Variants in PSMB4 observed in about 807,000 individuals in gnomAD.
The protein encoded by PSMB4 is proteasome 20S subunit beta 4.
PSMB4 carries 16 observed loss-of-function variants against 35.2 expected under a neutral mutation model. That is an observed-to-expected ratio of 0.45 (90% CI 0.31 to 0.69). The LOEUF is 0.69. PSMB4 is among the 30% of genes least tolerant of loss of function. The pLI, the probability that PSMB4 is intolerant of heterozygous loss-of-function variation, is 0.06. For missense variants in PSMB4, 333 were observed against 351.8 expected, an observed-to-expected ratio of 0.95 and a Z score of 0.43; for synonymous variants, 144 against 134.1, an observed-to-expected ratio of 1.07 and a Z score of -0.51.
chr1:151,401,449 G>A, intron 5 of PSMB4, 93 bp from the exon 6 acceptor site: 1 of 1,526,404 alleles, frequency 6.6e-7, no homozygotes, highest in Non-Finnish European at 9.1e-7. Flanking sequence ...TTACTTGTGT[G>A]ACTCCTATTT....
chr1:151,399,823 C>G, intron 1 of PSMB4, 96 bp downstream of exon 1: 1 of 1,598,258 alleles, frequency 6.3e-7, no homozygotes, highest in Non-Finnish European at 8.5e-7. Flanking sequence ...AGGCGGGGAC[C>G]CCGGGGGCGC....
intron 2 of PSMB4, 89 bp downstream of exon 2, chr1:151,400,276 G>T: frequency 6.7e-7 from 1 of 1,493,888 alleles, no homozygotes; most frequent in Non-Finnish European, 9.3e-7. Flanking sequence ...GGGGGGACTT[G>T]TTGCAGCGGG....
chr1:151,401,613 T>C lies in PSMB4; in HGVS notation c.765T>C (p.Asp255=), dbSNP rs956072546. Residue 255 remains aspartate (D), a synonymous_variant, in exon 6 of 7, where the codon GAT becomes GAC. Coordinates refer to ENST00000290541, the MANE Select transcript of PSMB4 (RefSeq NM_002796.3). ...CATTGTCTACAGAGACCAACTGGGA[T>C]ATTGCCCACATGATCAGGTGAGTAA... The part of the protein sequence containing the change: ...EGPLSTETNW[D]IAHMISGFE 2 of 1,609,296 alleles carry C rather than the reference T, an allele frequency of 1.2e-6. No individual in the cohort carries two copies. The highest frequency in any genetic ancestry group is 1.7e-6 in the Non-Finnish European group (2 of 1,175,718).
chr1:151,399,784 C>T, intron 1 of PSMB4, 57 bp downstream of exon 1: 2 of 1,610,704 alleles, frequency 1.2e-6, no homozygotes, highest in Non-Finnish European at 8.5e-7. Flanking sequence ...CCTGGTGCTG[C>T]CGGCTGGTTT....
At position 151,400,588 on chromosome 1, in the gene PSMB4, G is replaced by A; in HGVS notation, c.494G>A (p.Ser165Asn). 1 of 1,614,090 alleles carries A rather than the reference G, an allele frequency of 6.2e-7. No homozygotes were observed. Among genetic ancestry groups the A allele is most frequent in the Non-Finnish European group, 8.5e-7 (1 of 1,180,006 alleles). The stretch of plus-strand genomic sequence containing the variant: ...ATCGGAGGCTATGCTGATGGAGAGA[G>A]GTTCATATGAATACAAATAACTTAT... ...MVIGGYADGE[S>N]FLGYVDMLGV... The change falls in exon 3 of 7, where the codon AGC becomes AAC. Residue 165 changes from serine (S) to asparagine (N), a missense_variant and splice_region_variant. Physicochemically the swap from Ser to Asn is conservative, Grantham distance 46. Transcript: ENST00000290541.
intron 1 of PSMB4, 91 bp from the exon 2 acceptor site, chr1:151,399,889 AG>A (rs1413377804): frequency 2.6e-6 from 4 of 1,538,500 alleles, no homozygotes; most frequent in Non-Finnish European, 3.6e-6. Context: ...AATAATTGGA[AG>A]GAATTATAGA....
chr1:151,399,664 C>G lies in PSMB4; in HGVS notation c.77C>G (p.Ser26Cys), dbSNP rs1241669036. The change falls in exon 1 of 7, where the codon TCC becomes TGC. Residue 26 changes from serine to cysteine, a missense_variant. Ser to Cys is a moderately radical substitution (Grantham distance 112). Coordinates refer to ENST00000290541, the MANE Select transcript of PSMB4 (RefSeq NM_002796.3). ...CCAGGACAGTTTTACCGCATTCCGT[C>G]CACTCCCGATTCCTTCATGGATCCG... ...PAPGQFYRIP[S>C]TPDSFMDPAS... is the part of the protein sequence containing the mutation. 6.2e-7 allele frequency: 1 copy of G among 1,614,192 alleles called. No homozygotes were observed. Among genetic ancestry groups the G allele is most frequent in the Non-Finnish European group, 8.5e-7 (1 of 1,180,020 alleles).
chr1:151,399,676 C>T lies in PSMB4; in HGVS notation c.89C>T (p.Ser30Phe). ...TACCGCATTCCGTCCACTCCCGATT[C>T]CTTCATGGATCCGGCGTCTGCACTT... ...QFYRIPSTPD[S>F]FMDPASALYR... Residue 30 changes from serine (S) to phenylalanine (F), a missense_variant, in exon 1 of 7, where the codon TCC (serine) becomes TTC (phenylalanine). Physicochemically the swap from Ser to Phe is radical, Grantham distance 155 (BLOSUM62 -2). Coordinates refer to ENST00000290541, the MANE Select transcript of PSMB4 (RefSeq NM_002796.3). The T allele has an allele frequency of 6.2e-7, 1 of 1,614,172 alleles. No homozygotes were observed. The highest frequency in any genetic ancestry group is 2.2e-5 in the East Asian group (1 of 44,876).
chr1:151,399,913 C>A, intron 1 of PSMB4, 68 bp from the exon 2 acceptor site: 1 of 1,551,838 alleles, frequency 6.4e-7, no homozygotes, highest in Non-Finnish European at 8.9e-7. Flanking sequence ...ATCAGAAGCG[C>A]AGCTCAGTGC....
chr1:151,401,455 T>C, intron 5 of PSMB4, 87 bp from the exon 6 acceptor site: 1 of 1,517,660 alleles, frequency 6.6e-7, no homozygotes, highest in Non-Finnish European at 9.2e-7. Flanking sequence ...GTGTGACTCC[T>C]ATTTTCACAT....
chr1:151,401,111 GTTCA>G, intron 4 of PSMB4, 124 bp from the exon 5 acceptor site: 4 of 892,560 alleles, frequency 4.5e-6, no homozygotes, highest in Non-Finnish European at 7.2e-6. Context: ...TCTAAGCAGA[GTTCA>G]TTCTGGTGAG....
intron 2 of PSMB4, 86 bp downstream of exon 2, chr1:151,400,273 C>T: frequency 6.7e-7 from 1 of 1,496,482 alleles, no homozygotes; most frequent in Non-Finnish European, 9.3e-7. Flanking sequence ...GATGGGGGGA[C>T]TTGTTGCAGC....
chr1:151,400,111 A>G lies in PSMB4; in HGVS notation c.271A>G (p.Asn91Asp). The G allele has an allele frequency of 2.5e-6, 4 of 1,614,098 alleles. No homozygotes were observed. The highest frequency in any genetic ancestry group is 8.5e-7 in the Non-Finnish European group (1 of 1,180,024). The change falls in exon 2 of 7, where the codon AAC (asparagine) becomes GAC (aspartate). Residue 91 changes from asparagine to aspartate, a missense_variant. Asn to Asp is a conservative substitution (Grantham distance 23). Transcript: ENST00000290541. Reference sequence around the variant, plus strand: ...CAACATCTCTCGCATTATGCGAGTCAACAACAGTACCATGCTGGGTGCCTC... The same window carrying G: ...CAACATCTCTCGCATTATGCGAGTCGACAACAGTACCATGCTGGGTGCCTC... ...FRNISRIMRV[N>D]NSTMLGASGD...
At chr1:151,401,778 T>C in intron 6 of PSMB4, 39 bp from the exon 7 acceptor site, 1 of 1,599,354 alleles carries the variant, frequency 6.3e-7, no homozygotes, top group Non-Finnish European at 8.6e-7. Context: ...TTGATCCCTT[T>C]ATGCTTCACA....
chr1:151,399,636 G>C lies in PSMB4; in HGVS notation c.49G>C (p.Ala17Pro), dbSNP rs760532671. 6.2e-7 allele frequency: 1 copy of C among 1,614,132 alleles called. No individual in the cohort carries two copies. Among genetic ancestry groups the C allele is most frequent in the Admixed American group, 1.7e-5 (1 of 60,030 alleles). ...GTCCGGACTTTGGGCGGGGGGTCCG[G>C]CCCCAGGACAGTTTTACCGCATTCC... ...SRSGLWAGGP[A>P]PGQFYRIPST... is the part of the protein sequence containing the mutation. Residue 17 changes from alanine to proline, a missense_variant, in exon 1 of 7, where the codon GCC becomes CCC. Transcript: ENST00000290541.
intron 2 of PSMB4, 55 bp from the exon 3 acceptor site, chr1:151,400,387 G>A: frequency 6.3e-7 from 1 of 1,583,918 alleles, no homozygotes; most frequent in Non-Finnish European, 8.6e-7. Flanking sequence ...TTTTGGGGAT[G>A]GGTGGAGACC....
In PSMB4 at chr1:151,400,603, A is replaced by G; in HGVS notation, c.494+15A>G. 6.2e-7 allele frequency: 1 copy of G among 1,614,116 alleles called. No homozygotes were observed. The highest frequency in any genetic ancestry group is 8.5e-7 in the Non-Finnish European group (1 of 1,180,028). ...GATGGAGAGAGGTTCATATGAATAC[A>G]AATAACTTATTTCCTTTACCACCCA... On this transcript the variant is annotated intron_variant, in intron 3 of 6. Coordinates refer to ENST00000290541, the MANE Select transcript of PSMB4 (RefSeq NM_002796.3).
intron 2 of PSMB4, 49 bp downstream of exon 2, chr1:151,400,236 T>TC (rs1244276997): frequency 3.2e-6 from 5 of 1,581,268 alleles, no homozygotes; most frequent in Middle Eastern, 1.7e-4. Flanking sequence ...GAGAGGGGAG[T>TC]CCCCTGTTTT....
chr1:151,399,738 G>C lies in PSMB4; in HGVS notation c.140+11G>C. 1.9e-6 allele frequency: 3 copies of C among 1,613,848 alleles called. No individual in the cohort carries two copies. Among genetic ancestry groups the C allele is most frequent in the East Asian group, 2.2e-5 (1 of 44,860 alleles). On this transcript the variant is annotated intron_variant, in intron 1 of 6. Transcript: ENST00000290541. ...AATCACGCGGACCCAGTAAGTTCTCGGCGCTTTCGTTTGCGTAGCGGGAGG... is the reference window on the plus strand; with the variant it reads ...AATCACGCGGACCCAGTAAGTTCTCCGCGCTTTCGTTTGCGTAGCGGGAGG...
Sources: allele counts gnomAD v4.1 joint callset, GRCh38; gene constraint gnomAD v4.1.1; transcripts MANE v1.5; gene names NCBI Gene and HGNC (gene_info 2026-07-23, HGNC 2026-07-21).